LMNB1: variants seen among roughly 807,000 people sequenced by gnomAD.
LMNB1 encodes the protein lamin-B1.
Under a neutral mutation model 67.1 loss-of-function variants are expected in LMNB1, and 23 were observed. The observed-to-expected ratio is 0.34, with a 90% CI of 0.25 to 0.49. The LOEUF (loss-of-function observed/expected upper bound fraction) is 0.49. LMNB1 is among the 20% of genes least tolerant of loss of function. The pLI is 0.99. For missense variants in LMNB1, 634 were observed against 746.5 expected (o/e 0.85, Z 1.76); for synonymous variants, 281 against 282.9 (o/e 0.99, Z 0.07).
Position 126,825,977 on chromosome 5 carries a change from G to C in LMNB1, c.1492-11G>C. On this transcript the variant is annotated splice_polypyrimidine_tract_variant and intron_variant, in intron 8 of 10. Transcript: ENST00000261366. ...GTTCTGGGTGTACTGACATGCTTTG[G>C]TTTTTTACAGATTTGGGCTGCAAAC... 6.2e-7 allele frequency: 1 copy of C among 1,613,450 alleles called. No individual in the cohort carries two copies.
chr5:126,805,048 A>G, intron 2 of LMNB1, 116 bp downstream of exon 2: 2 of 968,788 alleles, frequency 2.1e-6, no homozygotes, highest in Non-Finnish European at 3.0e-6. Context: ...GAAATTTTAT[A>G]TATTTGTTTT....
intron 1 of LMNB1, among the ~76,000 whole-genome samples, chr5:126,784,565 C>T (rs1750715384): frequency 6.7e-6 from 1 of 150,284 alleles, no homozygotes; most frequent in African/African-American, 2.5e-5. Context: ...CCATCTTGCC[C>T]AGGCTGGTCT....
At chr5:126,792,749 T>C (rs1168876481) in intron 1 of LMNB1, among the ~76,000 whole-genome samples, 2 of 151,976 alleles carry the variant, frequency 1.3e-5, no homozygotes, top group African/African-American at 4.8e-5. Context: ...GCTAATTTTG[T>C]ATTTTTAGTA....
At chr5:126,785,065 T>G (rs2112923787) in intron 1 of LMNB1, among the ~76,000 whole-genome samples, 1 of 151,482 alleles carries the variant, frequency 6.6e-6, no homozygotes, top group Admixed American at 6.6e-5. Context: ...CTGCAATCTC[T>G]GCCTCCCGGG....
rs922877927 is a variant in LMNB1 at position 126,798,666 on chromosome 5, A to T, written c.360-6110A>T. 2.0e-5 allele frequency among the ~76,000 whole-genome samples: 3 copies of T among 152,158 alleles called. No individual in the cohort carries two copies. In the East Asian group the frequency reaches 5.8e-4, roughly 29 times the overall value. On this transcript the variant is annotated intron_variant, in intron 1 of 10. Transcript: ENST00000261366. ...TTGGAAGAGACATGATATTTTACAT[A>T]GGATGAAAAAAGAGAAGTTGTGTGT...
At chr5:126,779,008 CA>C (rs1299577898) in intron 1 of LMNB1, among the ~76,000 whole-genome samples, 1 of 152,150 alleles carries the variant, frequency 6.6e-6, no homozygotes, top group Non-Finnish European at 1.5e-5. Flanking sequence ...TAGAGATTTG[CA>C]AAATTTGGGT....
intron 1 of LMNB1, among the ~76,000 whole-genome samples, chr5:126,784,634 C>A (rs1405504433): frequency 3.4e-5 from 5 of 147,746 alleles, no homozygotes; most frequent in Non-Finnish European, 6.0e-5. Flanking sequence ...GGATTACAGG[C>A]GTGAGCCACC....
At chr5:126,790,605 C>G (rs1218810942) in intron 1 of LMNB1, among the ~76,000 whole-genome samples, 2 of 151,816 alleles carry the variant, frequency 1.3e-5, no homozygotes, top group Non-Finnish European at 2.9e-5. Flanking sequence ...AGAGTCTATG[C>G]CAGTTGTTAG....
chr5:126,811,316 T>G (rs187844324), intron 4 of LMNB1, among the ~76,000 whole-genome samples: 13 of 152,292 alleles, frequency 8.5e-5, no homozygotes, highest in Non-Finnish European at 8.8e-5. Context: ...TTTTTTTGCT[T>G]CTGAAAGGAA....
chr5:126,832,727 A>G lies in LMNB1; in HGVS notation c.1645A>G (p.Thr549Ala), dbSNP rs1752164657. ...VAQRSTVFKT[T>A]IPEEEEEEEE... ...TCAAAGAAGTACAGTCTTTAAAACAACCATACCTGAAGAAGAGGAGGAGGA... is the reference window on the plus strand; with the variant it reads ...TCAAAGAAGTACAGTCTTTAAAACAGCCATACCTGAAGAAGAGGAGGAGGA... The change falls in exon 10 of 11, where the codon ACC becomes GCC. Residue 549 changes from threonine (T) to alanine (A), a missense_variant. Transcript: ENST00000261366. The G allele has an allele frequency of 6.2e-7, 1 of 1,613,314 alleles. No individual in the cohort carries two copies. The highest frequency in any genetic ancestry group is 2.2e-5 in the East Asian group (1 of 44,856).
intron 1 of LMNB1, among the ~76,000 whole-genome samples, chr5:126,793,921 CCTT>C (rs1422423461): frequency 6.6e-6 from 1 of 150,528 alleles, no homozygotes; most frequent in African/African-American, 2.4e-5. Context: ...GATCATAAGA[CCTT>C]CTAGAGTTTT....
chr5:126,785,462 TTTTTTC>T (rs1561734457), intron 1 of LMNB1, among the ~76,000 whole-genome samples: 3 of 150,338 alleles, frequency 2.0e-5, no homozygotes, highest in African/African-American at 4.9e-5. Flanking sequence ...GGCTAATTTT[TTTTTTC>T]TTTTTCTTTT....
At chr5:126,805,013 T>A in intron 2 of LMNB1, 81 bp downstream of exon 2, 2 of 1,186,822 alleles carry the variant, frequency 1.7e-6, no homozygotes, top group Non-Finnish European at 2.3e-6. Flanking sequence ...ATTGATTGAT[T>A]GATTTTCAAA....
At chr5:126,802,632 CAG>C (rs1751312683) in intron 1 of LMNB1, among the ~76,000 whole-genome samples, 1 of 151,810 alleles carries the variant, frequency 6.6e-6, no homozygotes. Flanking sequence ...TTTATAGAGA[CAG>C]GGCTTCATTT....
chr5:126,801,507 C>T (rs553885384), intron 1 of LMNB1, among the ~76,000 whole-genome samples: 2 of 152,082 alleles, frequency 1.3e-5, no homozygotes, highest in Non-Finnish European at 2.9e-5. Flanking sequence ...GGATGTACTG[C>T]CTTGGGTTAA....
Position 126,777,582 on chromosome 5 carries a change from C to G in LMNB1, c.74C>G (p.Thr25Arg). 1 of 1,524,762 alleles carries G rather than the reference C, an allele frequency of 6.6e-7. No individual in the cohort carries two copies. The highest frequency in any genetic ancestry group is 8.8e-7 in the Non-Finnish European group (1 of 1,136,144). 94.5% of individuals were successfully genotyped at this position (1,524,762 alleles called of 1,614,324 possible). Residue 25 changes from threonine (T) to arginine (R), a missense_variant, in exon 1 of 11, where the codon ACG (threonine) becomes AGG (arginine). Thr to Arg is a moderately conservative substitution (Grantham distance 71). Coordinates refer to ENST00000261366, the MANE Select transcript of LMNB1 (RefSeq NM_005573.4). The stretch of plus-strand genomic sequence containing the variant: ...GGCCCCACCACGCCGCTGAGCCCCA[C>G]GCGCCTGTCGCGGCTCCAGGAGAAG... Reference protein sequence around the residue: ...AGGPTTPLSPTRLSRLQEKEE... With the variant: ...AGGPTTPLSPRRLSRLQEKEE...
intron 1 of LMNB1, among the ~76,000 whole-genome samples, chr5:126,803,133 C>T (rs953971884): frequency 6.0e-5 from 9 of 149,928 alleles, no homozygotes; most frequent in Admixed American, 4.7e-4. Flanking sequence ...TTGCAATGAG[C>T]CGAGATCGCC....
In LMNB1 at chr5:126,811,795, C is replaced by T; in HGVS notation, c.836C>T (p.Ser279Leu). ...HAKLENARLS[S>L]EMNTSTVNSA... ...TAGCTTGAGAATGCCAGACTGTCAT[C>T]AGAGATGAATACTTCTACTGTCAAC... The change falls in exon 5 of 11, where the codon TCA (serine) becomes TTA (leucine). Residue 279 changes from serine to leucine, a missense_variant. Ser to Leu is a moderately radical substitution (Grantham distance 145). Coordinates refer to ENST00000261366, the MANE Select transcript of LMNB1 (RefSeq NM_005573.4). The T allele has an allele frequency of 6.2e-7, 1 of 1,607,176 alleles. No homozygotes were observed. Among genetic ancestry groups the T allele is most frequent in the Non-Finnish European group, 8.5e-7 (1 of 1,174,426 alleles).
intron 1 of LMNB1, among the ~76,000 whole-genome samples, chr5:126,786,693 A>G (rs1387161302): frequency 6.6e-6 from 1 of 152,166 alleles, no homozygotes; most frequent in East Asian, 1.9e-4. Flanking sequence ...CAGATAGGAT[A>G]GTTGATTTTC....
Sources: gnomAD v4.1 joint callset for allele counts (sites outside exome capture counted in the v4.1 genomes callset) on GRCh38, gnomAD v4.1.1 for gene constraint, MANE v1.5 for transcripts, NCBI Gene and HGNC (gene_info 2026-07-23, HGNC 2026-07-21) for gene names.